Variants in SCO1 observed in about 807,000 individuals in gnomAD.
SCO1 encodes cytochrome c oxidase assembly factor SCO1.
In SCO1, 23 loss-of-function variants were observed where a neutral mutation model predicts 34.0. That is an observed-to-expected ratio of 0.68 (90% confidence interval 0.49 to 0.96). The LOEUF (loss-of-function observed/expected upper bound fraction) is 0.96. Among genes scored for constraint, SCO1 ranks in the 40% least tolerant of loss-of-function variants. SCO1 has a pLI of 0.00. For missense variants in SCO1, 404 were observed against 381.6 expected (o/e 1.06, Z -0.49); for synonymous variants, 161 against 145.5 (o/e 1.11, Z -0.77).
At position 10,675,757 on chromosome 17, in the gene SCO1, C is replaced by T. The variant is rs1188146383; in HGVS notation, c.*5362G>A. The T allele has an allele frequency of 6.6e-6, 1 of 152,130 alleles. No homozygotes were observed. Among genetic ancestry groups the T allele is most frequent in the East Asian group, 1.9e-4 (1 of 5,176 alleles). The allele number at this position is 152,130 out of a possible 1,614,324, so 9.4% of individuals were successfully genotyped here. A position where few individuals can be genotyped will look rare whatever the true frequency, so the allele number is the denominator to read the frequency against. Reference sequence around the variant, plus strand: ...TTTAAAGAAAAAAAACACCCAACAACGAGGACAAATGCGTTAGTCTTTTTA... The same window carrying T: ...TTTAAAGAAAAAAAACACCCAACAATGAGGACAAATGCGTTAGTCTTTTTA... On this transcript the variant is annotated 3_prime_UTR_variant, in exon 6 of 6. Coordinates refer to ENST00000255390, the MANE Select transcript of SCO1 (RefSeq NM_004589.4).
intron 1 of SCO1, among the ~76,000 whole-genome samples, 152 bp downstream of exon 1, chr17:10,697,076 AATGTAGG>A (rs2074734696): frequency 1.3e-5 from 2 of 152,140 alleles, no homozygotes; most frequent in African/African-American, 4.8e-5. Flanking sequence ...AGGCACGGGA[AATGTAGG>A]ATGAAATTCC....
chr17:10,695,907 G>C, intron 1 of SCO1, 76 bp from the exon 2 acceptor site: 1 of 1,062,094 alleles, frequency 9.4e-7, no homozygotes. Context: ...TATTAAAGTA[G>C]TTTTTAATAT....
At chr17:10,695,277 C>A (rs766672925) in intron 2 of SCO1, among the ~76,000 whole-genome samples, 1 of 152,292 alleles carries the variant, frequency 6.6e-6, no homozygotes, top group East Asian at 1.9e-4. Flanking sequence ...CTGGCAGAAT[C>A]GCATCTAGTA....
Position 10,692,867 on chromosome 17 carries a change from C to T in SCO1, c.459G>A (p.Lys153=). The T allele has an allele frequency of 6.8e-6, 11 of 1,614,082 alleles. No homozygotes were observed. The highest frequency in any genetic ancestry group is 9.3e-6 in the Non-Finnish European group (11 of 1,179,922). ...TCAATAACCACTGACCCAAGTAGTC[C>T]TTGTCAGTTTTACGCTCCCCAGTAT... ...TTHTGERKTD[K]DYLGQWLLIY... is the part of the protein sequence containing the mutation. The change falls in exon 3 of 6, where the codon AAG becomes AAA. Residue 153 remains lysine (K), a synonymous_variant. Coordinates refer to ENST00000255390, the MANE Select transcript of SCO1 (RefSeq NM_004589.4).
In SCO1 at chr17:10,676,932, C is replaced by G. The variant is rs1356429022; in HGVS notation, c.*4187G>C. On this transcript the variant is annotated 3_prime_UTR_variant, in exon 6 of 6. Transcript: ENST00000255390. ...ATTAAGGAATATGTGGCTAAAGAGG[C>G]TATTACTTGAATCTTGTTAATGAAT... 1 of 152,214 alleles carries G rather than the reference C, an allele frequency of 6.6e-6. No homozygotes were observed. The highest frequency in any genetic ancestry group is 2.4e-5 in the African/African-American group (1 of 41,456). The allele number at this position is 152,214 out of a possible 1,614,324, so 9.4% of individuals were successfully genotyped here.
rs1045958508 is a variant in SCO1 at position 10,676,611 on chromosome 17, G to A, written c.*4508C>T. On this transcript the variant is annotated 3_prime_UTR_variant, in exon 6 of 6. Coordinates refer to ENST00000255390, the MANE Select transcript of SCO1 (RefSeq NM_004589.4). ...AAAAAGAAAACTCAAGTTTTCTTTCGGTTAAATACCCACATCAATGTTCTC... is the reference window on the plus strand; with the variant it reads ...AAAAAGAAAACTCAAGTTTTCTTTCAGTTAAATACCCACATCAATGTTCTC... The A allele has an allele frequency of 4.6e-5, 7 of 152,058 alleles. No individual in the cohort carries two copies. Among genetic ancestry groups the A allele is most frequent in the South Asian group, 2.1e-4 (1 of 4,820 alleles). 9.4% of individuals were successfully genotyped at this position (152,058 alleles called of 1,614,324 possible).
rs1051580415 is a variant in SCO1, at chr17:10,673,542, C to A, written c.*7577G>T. The A allele has an allele frequency of 2.6e-5, 4 of 152,216 alleles. No individual in the cohort carries two copies. The highest frequency in any genetic ancestry group is 5.9e-5 in the Non-Finnish European group (4 of 68,066). The allele number at this position is 152,216 out of a possible 1,614,324, so 9.4% of individuals were successfully genotyped here. A position where few individuals can be genotyped will look rare whatever the true frequency, so the allele number is the denominator to read the frequency against. Reference sequence around the variant, plus strand: ...ATGTAATCCTTGCAGGGCTCTCTGCCCCACTTTCTTCTGTAACTAAGACGG... The same window carrying A: ...ATGTAATCCTTGCAGGGCTCTCTGCACCACTTTCTTCTGTAACTAAGACGG... On this transcript the variant is annotated 3_prime_UTR_variant, in exon 6 of 6. Coordinates refer to ENST00000255390, the MANE Select transcript of SCO1 (RefSeq NM_004589.4).
intron 5 of SCO1, 66 bp from the exon 6 acceptor site, chr17:10,681,319 T>G: frequency 6.5e-7 from 1 of 1,529,060 alleles, no homozygotes; most frequent in Admixed American, 1.7e-5. Context: ...TTACTGAATG[T>G]ATGCTGCAAG....
At position 10,695,466 on chromosome 17, in the gene SCO1, T is replaced by A. The variant is rs1036924814; in HGVS notation, c.364+275A>T. The A allele has an allele frequency of 2.5e-5, 10 of 394,246 alleles. No homozygotes were observed. The East Asian group carries it at 5.7e-4, about 23-fold the overall frequency. The allele number at this position is 394,246 out of a possible 1,614,324, so 24.4% of individuals were successfully genotyped here. A position where few individuals can be genotyped will look rare whatever the true frequency, so the allele number is the denominator to read the frequency against. On this transcript the variant is annotated intron_variant, in intron 2 of 5. Transcript: ENST00000255390. ...TGGATCCTGGAACAAATAAAAGACA[T>A]TGATAGAAAAACAAGTGAAATCCAA...
intron 3 of SCO1, among the ~76,000 whole-genome samples, chr17:10,692,480 G>A (rs766133459): frequency 2.8e-4 from 43 of 152,304 alleles, no homozygotes; most frequent in Non-Finnish European, 5.0e-4. Context: ...GTGGGGAAGA[G>A]GCAATGGCAG....
chr17:10,687,896 AATATAAC>A (rs1204955152), intron 4 of SCO1, among the ~76,000 whole-genome samples: 9 of 152,204 alleles, frequency 5.9e-5, no homozygotes, highest in Non-Finnish European at 8.8e-5. Flanking sequence ...GATTTTTGCC[AATATAAC>A]ACATGTTTAA....
At position 10,678,906 on chromosome 17, in the gene SCO1, G is replaced by A. The variant is rs2074600570; in HGVS notation, c.*2213C>T. On this transcript the variant is annotated 3_prime_UTR_variant, in exon 6 of 6. Coordinates refer to ENST00000255390, the MANE Select transcript of SCO1 (RefSeq NM_004589.4). The stretch of plus-strand genomic sequence containing the variant: ...TCACAACTTCTCTCTTGGCTTGTAA[G>A]ATGGCTGTTTTCTCTCTGGCTTCTC... 6.7e-6 allele frequency: 1 copy of A among 148,842 alleles called. No individual in the cohort carries two copies. The highest frequency in any genetic ancestry group is 2.5e-5 in the African/African-American group (1 of 40,130). The allele number at this position is 148,842 out of a possible 1,614,324, so 9.2% of individuals were successfully genotyped here.
chr17:10,690,289 C>T (rs2074681970), intron 4 of SCO1, among the ~76,000 whole-genome samples: 1 of 152,122 alleles, frequency 6.6e-6, no homozygotes, highest in Non-Finnish European at 1.5e-5. Context: ...TATGTGCAAA[C>T]TATTCATCAG....
chr17:10,692,998 AG>A, intron 2 of SCO1, 37 bp from the exon 3 acceptor site: 2 of 1,585,490 alleles, frequency 1.3e-6, no homozygotes, highest in East Asian at 2.2e-5. Flanking sequence ...CCAAAAAAAA[AG>A]TCAATTTAAC....
At position 10,691,490 on chromosome 17, in the gene SCO1, T is replaced by C. The variant is rs376602995; in HGVS notation, c.655+382A>G. Among the ~76,000 whole-genome samples, 3 of 152,360 alleles carry C rather than the reference T, an allele frequency of 2.0e-5. No individual in the cohort carries two copies. In the East Asian group the frequency reaches 5.8e-4, roughly 29 times the overall value. Reference sequence around the variant, plus strand: ...ATGTTTGTATTTAATTATTCATCTTTAATCTACCAATGAACATACTTCCAG... The same window carrying C: ...ATGTTTGTATTTAATTATTCATCTTCAATCTACCAATGAACATACTTCCAG... On this transcript the variant is annotated intron_variant, in intron 4 of 5. Transcript: ENST00000255390.
At chr17:10,681,564 G>A (rs983833538) in intron 5 of SCO1, among the ~76,000 whole-genome samples, 4 of 152,282 alleles carry the variant, frequency 2.6e-5, no homozygotes, top group East Asian at 1.9e-4. Flanking sequence ...CTAAGAAATA[G>A]CTGCTGCAGG....
At chr17:10,693,189 A>G (rs1302377680) in intron 2 of SCO1, among the ~76,000 whole-genome samples, 1 of 152,254 alleles carries the variant, frequency 6.6e-6, no homozygotes, top group East Asian at 1.9e-4. Flanking sequence ...AAAGGAAAAA[A>G]TATTTCTTCT....
rs927473400 is a variant in SCO1, at chr17:10,675,767, T to C, written c.*5352A>G. 1 of 152,144 alleles carries C rather than the reference T, an allele frequency of 6.6e-6. No homozygotes were observed. Among genetic ancestry groups the C allele is most frequent in the Non-Finnish European group, 1.5e-5 (1 of 68,044 alleles). 9.4% of individuals were successfully genotyped at this position (152,144 alleles called of 1,614,324 possible). On this transcript the variant is annotated 3_prime_UTR_variant, in exon 6 of 6. Transcript: ENST00000255390. ...AAAAACACCCAACAACGAGGACAAA[T>C]GCGTTAGTCTTTTTAAACTGGTCCA...
intron 4 of SCO1, 79 bp downstream of exon 4, chr17:10,691,793 G>T: frequency 1.2e-6 from 1 of 853,362 alleles, no homozygotes. Context: ...TATTTCACAA[G>T]GCACTGTAAG....
Sources: gnomAD v4.1 joint callset for allele counts (sites outside exome capture counted in the v4.1 genomes callset) on GRCh38, gnomAD v4.1.1 for gene constraint, MANE v1.5 for transcripts, NCBI Gene and HGNC (gene_info 2026-07-23, HGNC 2026-07-21) for gene names.